Variants in TOR1B observed in about 807,000 individuals in gnomAD.
The protein encoded by TOR1B is torsin-1B.
Under a neutral mutation model 29.2 loss-of-function variants are expected in TOR1B, and 14 were observed. The ratio of observed to expected loss-of-function variants is 0.48; its 90% CI spans 0.32 to 0.75. The LOEUF (loss-of-function observed/expected upper bound fraction) is 0.75, where lower values mean the gene tolerates loss of function less well. Among genes scored for constraint, TOR1B ranks in the 30% least tolerant of loss-of-function variants. The pLI is 0.04. For missense variants in TOR1B, 400 were observed against 433.9 expected (o/e 0.92, Z 0.69); for synonymous variants, 166 against 179.8 (o/e 0.92, Z 0.62).
chr9:129,809,628 G>T lies in TOR1B; in HGVS notation c.*45G>T, dbSNP rs757428205. The T allele has an allele frequency of 6.2e-7, 1 of 1,608,020 alleles. No individual in the cohort carries two copies. Among genetic ancestry groups the T allele is most frequent in the Non-Finnish European group, 8.5e-7 (1 of 1,176,116 alleles). On this transcript the variant is annotated 3_prime_UTR_variant, in exon 5 of 5. Coordinates refer to ENST00000259339, the MANE Select transcript of TOR1B (RefSeq NM_014506.3). ...AGGAGACAGCTGGGAGGCTCCGCAC[G>T]CCAGAGGCCTTGCCTTTCAGAAGAA... is the stretch of plus-strand genomic sequence containing the variant.
chr9:129,806,273 T>C (rs2030479493), intron 2 of TOR1B, among the ~76,000 whole-genome samples: 1 of 152,212 alleles, frequency 6.6e-6, no homozygotes, highest in Admixed American at 6.5e-5. Flanking sequence ...TTTCTTGTTC[T>C]TTACATTCTT....
rs752628543 is a variant in TOR1B at position 129,804,240 on chromosome 9, G to T, written c.367G>T (p.Ala123Ser). 9 of 1,614,100 alleles carry T rather than the reference G, an allele frequency of 5.6e-6. No individual in the cohort carries two copies. The highest frequency in any genetic ancestry group is 3.3e-4 in the Middle Eastern group (2 of 6,084). The change falls in exon 2 of 5, where the codon GCT (alanine) becomes TCT (serine). Residue 123 changes from alanine to serine, a missense_variant. Physicochemically the swap from Ala to Ser is moderately conservative, Grantham distance 99. Transcript: ENST00000259339. ...CAAGAATTTTGTCAGTCAAATTGTGGCTGAAAATCTTCACCCAAAAGGTCT... is the reference window on the plus strand; with the variant it reads ...CAAGAATTTTGTCAGTCAAATTGTGTCTGAAAATCTTCACCCAAAAGGTCT... ...TGKNFVSQIV[A>S]ENLHPKGLKS...
Position 129,811,056 on chromosome 9 carries a change from A to G in TOR1B, c.*1473A>G. ...AGCTGCAGACACAACAACGTGCAGC[A>G]TTTTTTACATAAAAATATGGTAGAA... On this transcript the variant is annotated 3_prime_UTR_variant, in exon 5 of 5. Transcript: ENST00000259339. 1 of 152,208 alleles carries G rather than the reference A, an allele frequency of 6.6e-6. No individual in the cohort carries two copies. Among genetic ancestry groups the G allele is most frequent in the East Asian group, 1.9e-4 (1 of 5,198 alleles). The allele number at this position is 152,208 out of a possible 1,614,324, so 9.4% of individuals were successfully genotyped here. A position where few individuals can be genotyped will look rare whatever the true frequency, so the allele number is the denominator to read the frequency against.
chr9:129,803,333 A>G lies in TOR1B; in HGVS notation c.121A>G (p.Thr41Ala). ...AGCCATCGGGGCCGCGTCGGCCATC[A>G]CCGGCTACCTGTCCTACAATGACAT... The part of the protein sequence containing the change: ...GLAIGAASAI[T>A]GYLSYNDIYC... Residue 41 changes from threonine to alanine, a missense_variant, in exon 1 of 5, where the codon ACC becomes GCC. Physicochemically the swap from Thr to Ala is moderately conservative, Grantham distance 58. Transcript: ENST00000259339. 1 of 1,591,250 alleles carries G rather than the reference A, an allele frequency of 6.3e-7. No individual in the cohort carries two copies. The highest frequency in any genetic ancestry group is 8.5e-7 in the Non-Finnish European group (1 of 1,172,314).
rs145428345 is a variant in TOR1B, at chr9:129,805,311, G to C, written c.465+973G>C. On this transcript the variant is annotated intron_variant, in intron 2 of 4. Coordinates refer to ENST00000259339, the MANE Select transcript of TOR1B (RefSeq NM_014506.3). ...CTCTACTGAAAATACAAAATTAGCC[G>C]GGCGTGATGGCGTGCGCCTGTAATT... is the stretch of plus-strand genomic sequence containing the variant. Among the ~76,000 whole-genome samples the C allele has an allele frequency of 2.9e-3, 429 of 147,116 alleles. 1 individual carries two copies. Among genetic ancestry groups the C allele is most frequent in the African/African-American group, 1.0e-2 (410 of 41,136 alleles).
intron 2 of TOR1B, among the ~76,000 whole-genome samples, chr9:129,804,956 G>A (rs985479507): frequency 6.2e-4 from 93 of 151,158 alleles, no homozygotes; most frequent in African/African-American, 2.1e-3. Flanking sequence ...GGCTAACACG[G>A]TGAGACCCCG....
At chr9:129,804,420 C>G (rs2030355159) in intron 2 of TOR1B, 82 bp downstream of exon 2, 4 of 1,546,148 alleles carry the variant, frequency 2.6e-6, no homozygotes, top group Non-Finnish European at 3.5e-6. Flanking sequence ...GCCTCTGCTT[C>G]TCTTTCCTTT....
At position 129,803,431 on chromosome 9, in the gene TOR1B, T is replaced by C; in HGVS notation, c.199+20T>C. The C allele has an allele frequency of 7.1e-7, 1 of 1,403,666 alleles. No individual in the cohort carries two copies. Among genetic ancestry groups the C allele is most frequent in the South Asian group, 1.3e-5 (1 of 76,114 alleles). 87.0% of individuals were successfully genotyped at this position (1,403,666 alleles called of 1,614,324 possible). On this transcript the variant is annotated intron_variant, in intron 1 of 4. Transcript: ENST00000259339. ...CTTCGGGTACGGCGCGCGCGCGAGC[T>C]GTGGGTCGGCGCTGCGGGGGGCGCG...
chr9:129,803,287 C>T lies in TOR1B; in HGVS notation c.75C>T (p.Phe25=). The T allele has an allele frequency of 6.3e-7, 1 of 1,575,996 alleles. No homozygotes were observed. The highest frequency in any genetic ancestry group is 8.6e-7 in the Non-Finnish European group (1 of 1,165,532). Reference sequence around the variant, plus strand: ...TGGCGGCCCGAGTGGTGGCGGCGTTCGAGCCCATCACCGTGGGCCTAGCCA... The same window carrying T: ...TGGCGGCCCGAGTGGTGGCGGCGTTTGAGCCCATCACCGTGGGCCTAGCCA... The part of the protein sequence containing the change: ...LLLAARVVAA[F]EPITVGLAIG... Residue 25 remains phenylalanine, a synonymous_variant, in exon 1 of 5, where the codon TTC becomes TTT. Transcript: ENST00000259339.
At chr9:129,803,549 C>A in intron 1 of TOR1B, 138 bp downstream of exon 1, 1 of 607,854 alleles carries the variant, frequency 1.6e-6, no homozygotes, top group Non-Finnish European at 2.2e-6. Context: ...CTGGGGTGGG[C>A]GGGGAGCGGA....
intron 1 of TOR1B, among the ~76,000 whole-genome samples, chr9:129,803,777 C>T (rs1198844708): frequency 1.3e-5 from 2 of 152,190 alleles, no homozygotes; most frequent in East Asian, 3.9e-4. Context: ...ACATTTGGCC[C>T]CTGGTTTTCC....
At position 129,809,047 on chromosome 9, in the gene TOR1B, G is replaced by A. The variant is rs2030677578; in HGVS notation, c.769+15G>A. ...TAATAAACACAGTGAGTCCACCAGG[G>A]TAAAGGAGCCCCTTAACTGTCCAGC... On this transcript the variant is annotated intron_variant, in intron 4 of 4. Transcript: ENST00000259339. The A allele has an allele frequency of 1.3e-6, 2 of 1,597,744 alleles. No individual in the cohort carries two copies. The highest frequency in any genetic ancestry group is 1.7e-4 in the Middle Eastern group (1 of 5,956).
rs1322935381 is a variant in TOR1B, at chr9:129,810,312, G to A, written c.*729G>A. On this transcript the variant is annotated 3_prime_UTR_variant, in exon 5 of 5. Coordinates refer to ENST00000259339, the MANE Select transcript of TOR1B (RefSeq NM_014506.3). ...ACCGGAGGATGTGGCCGTGCCCGCC[G>A]AGCACTCTTGATCTGAGCTGACCTG... 6.2e-6 allele frequency: 8 copies of A among 1,299,946 alleles called. No homozygotes were observed. Among genetic ancestry groups the A allele is most frequent in the East Asian group, 5.6e-5 (1 of 17,852 alleles). 80.5% of individuals were successfully genotyped at this position (1,299,946 alleles called of 1,614,324 possible). A position where few individuals can be genotyped will look rare whatever the true frequency, so the allele number is the denominator to read the frequency against.
At chr9:129,803,527 C>T in intron 1 of TOR1B, 116 bp downstream of exon 1, 2 of 966,410 alleles carry the variant, frequency 2.1e-6, no homozygotes, top group South Asian at 4.1e-5. Context: ...ATCTAGACGG[C>T]GGTGGTCCCA....
intron 2 of TOR1B, among the ~76,000 whole-genome samples, chr9:129,805,727 C>T (rs1033873514): frequency 6.6e-6 from 1 of 152,178 alleles, no homozygotes; most frequent in Non-Finnish European, 1.5e-5. Flanking sequence ...TCTTTTTTCT[C>T]CTTAACAGGT....
At chr9:129,807,827 C>G (rs1300025387) in intron 3 of TOR1B, among the ~76,000 whole-genome samples, 2 of 145,070 alleles carry the variant, frequency 1.4e-5, no homozygotes, top group African/African-American at 5.2e-5. Context: ...GCCTGGGTGA[C>G]AGAGTGAGAC....
In TOR1B at chr9:129,810,550, G is replaced by A. The variant is rs2030807724; in HGVS notation, c.*967G>A. 1.6e-6 allele frequency: 1 copy of A among 607,624 alleles called. No homozygotes were observed. Among genetic ancestry groups the A allele is most frequent in the Non-Finnish European group, 2.2e-6 (1 of 458,014 alleles). The allele number at this position is 607,624 out of a possible 1,614,324, so 37.6% of individuals were successfully genotyped here. A position where few individuals can be genotyped will look rare whatever the true frequency, so the allele number is the denominator to read the frequency against. Reference sequence around the variant, plus strand: ...AGTCCCCCCAACCATATATCATAGAGTTGAATCACAATGAGACCGTTGGCT... The same window carrying A: ...AGTCCCCCCAACCATATATCATAGAATTGAATCACAATGAGACCGTTGGCT... On this transcript the variant is annotated 3_prime_UTR_variant, in exon 5 of 5. Coordinates refer to ENST00000259339, the MANE Select transcript of TOR1B (RefSeq NM_014506.3).
chr9:129,807,715 G>A (rs1252819975), intron 3 of TOR1B, among the ~76,000 whole-genome samples: 2 of 151,868 alleles, frequency 1.3e-5, no homozygotes, highest in African/African-American at 2.4e-5. Context: ...GCGTGGTGGC[G>A]GGCGCCTGTA....
chr9:129,803,448 G>C, intron 1 of TOR1B, 37 bp downstream of exon 1: 4 of 1,173,438 alleles, frequency 3.4e-6, no homozygotes, highest in Non-Finnish European at 4.2e-6. Flanking sequence ...CGGCGCTGCG[G>C]GGGGCGCGGG....
Sources: gnomAD v4.1 joint callset for allele counts (sites outside exome capture counted in the v4.1 genomes callset) on GRCh38, gnomAD v4.1.1 for gene constraint, MANE v1.5 for transcripts, NCBI Gene and HGNC (gene_info 2026-07-23, HGNC 2026-07-21) for gene names.